Variants in PRKN observed in about 807,000 individuals in gnomAD.
PRKN encodes the protein parkin RBR E3 ubiquitin protein ligase.
In PRKN, 56 loss-of-function variants were observed where a neutral mutation model predicts 59.5. The ratio of observed to expected loss-of-function variants is 0.94; its 90% CI spans 0.76 to 1.18. PRKN has a LOEUF of 1.18. Ranked by LOEUF, PRKN falls within the 50% of genes most tolerant of loss-of-function variation. The pLI, the probability that PRKN is intolerant of heterozygous loss-of-function variation, is 0.00. For missense variants in PRKN, 657 were observed against 596.4 expected (o/e 1.10, Z -1.06); for synonymous variants, 250 against 222.1 (o/e 1.13, Z -1.12).
chr6:161,906,110 G>A (rs568185937), intron 6 of PRKN, among the ~76,000 whole-genome samples: 1 of 152,090 alleles, frequency 6.6e-6, no homozygotes, highest in African/African-American at 2.4e-5. Context: ...TGGGACTACA[G>A]GTATGGGCCA....
At chr6:161,978,120 G>A (rs113525083) in intron 5 of PRKN, among the ~76,000 whole-genome samples, 11,557 of 151,654 alleles carry the variant, frequency 0.076, 511 homozygotes, top group Middle Eastern at 0.11. Context: ...TGCGATCTTG[G>A]CTCACTGCAA....
intron 7 of PRKN, among the ~76,000 whole-genome samples, chr6:161,676,037 C>G (rs1438839051): frequency 6.6e-6 from 1 of 152,248 alleles, no homozygotes; most frequent in African/African-American, 2.4e-5. Flanking sequence ...GAGAGGCACT[C>G]TGAGTCCTAA....
chr6:162,205,280 A>G (rs909787903), intron 3 of PRKN, among the ~76,000 whole-genome samples: 1 of 152,206 alleles, frequency 6.6e-6, no homozygotes, highest in African/African-American at 2.4e-5. Flanking sequence ...TGTTTACAAC[A>G]TATTGAATAG....
intron 4 of PRKN, among the ~76,000 whole-genome samples, chr6:162,128,876 A>T (rs1419199139): frequency 1.3e-5 from 2 of 152,208 alleles, no homozygotes; most frequent in African/African-American, 4.8e-5. Context: ...AATCTGCTGG[A>T]CACCTTGATC....
At position 162,713,806 on chromosome 6, in the gene PRKN, G is replaced by C. The variant is rs569548166; in HGVS notation, c.7+13856C>G. Among the ~76,000 whole-genome samples the C allele has an allele frequency of 1.3e-3, 195 of 152,230 alleles. 3 individuals are homozygous for C. Among genetic ancestry groups the C allele is most frequent in the Middle Eastern group, 3.4e-3 (1 of 294 alleles). On this transcript the variant is annotated intron_variant, in intron 1 of 11. Coordinates refer to ENST00000366898, the MANE Select transcript of PRKN (RefSeq NM_004562.3). ...ATAACCATTCAGAAGCAGAATTATAGAAGCTAATTATTAAAATAACTCAGC... is the reference window on the plus strand; with the variant it reads ...ATAACCATTCAGAAGCAGAATTATACAAGCTAATTATTAAAATAACTCAGC...
At chr6:161,898,249 C>A (rs1485276442) in intron 6 of PRKN, among the ~76,000 whole-genome samples, 4 of 151,910 alleles carry the variant, frequency 2.6e-5, no homozygotes, top group Non-Finnish European at 2.9e-5. Context: ...CAATTTGGCA[C>A]AGTGAACCCT....
At position 162,525,134 on chromosome 6, in the gene PRKN, C is replaced by T. The variant is rs375895430; in HGVS notation, c.8-81661G>A. ...CCCCAGCCCACACCTGGGCTCCAAGCGCCAGTTAGTCCTGCTTAGTCCTAG... is the reference window on the plus strand; with the variant it reads ...CCCCAGCCCACACCTGGGCTCCAAGTGCCAGTTAGTCCTGCTTAGTCCTAG... On this transcript the variant is annotated intron_variant, in intron 1 of 11. Transcript: ENST00000366898. Among the ~76,000 whole-genome samples, 85 of 152,242 alleles carry T rather than the reference C, an allele frequency of 5.6e-4. 1 individual carries two copies. In the South Asian group the frequency reaches 8.9e-3, roughly 16 times the overall value.
At chr6:161,766,313 C>CTTTTTTTTTTTTTTTTTTTTTTTTTT (rs1583130349) in intron 7 of PRKN, among the ~76,000 whole-genome samples, 5 of 82,580 alleles carry the variant, frequency 6.1e-5, no homozygotes, top group African/African-American at 2.0e-4. Context: ...TCATTGACCA[C>CTTTTTTTTTTTTTTTTTTTTTTTTTT]ATTTTTTTTT....
intron 5 of PRKN, among the ~76,000 whole-genome samples, chr6:162,026,588 T>C (rs1582917593): frequency 6.6e-6 from 1 of 152,348 alleles, no homozygotes; most frequent in Non-Finnish European, 1.5e-5. Context: ...TCTGAAGCTA[T>C]ATTACTTAGA....
intron 5 of PRKN, among the ~76,000 whole-genome samples, chr6:162,051,764 G>A (rs962135814): frequency 3.9e-5 from 6 of 152,082 alleles, no homozygotes; most frequent in African/African-American, 1.2e-4. Flanking sequence ...ATCAAAGAAC[G>A]CAGCCTCTAG....
chr6:161,599,571 G>A (rs894433128), intron 7 of PRKN, among the ~76,000 whole-genome samples: 3 of 152,192 alleles, frequency 2.0e-5, no homozygotes, highest in Admixed American at 2.0e-4. Flanking sequence ...ATTTGAGACA[G>A]GGCATCTTGG....
intron 3 of PRKN, among the ~76,000 whole-genome samples, chr6:162,222,201 C>T (rs1210721176): frequency 6.6e-6 from 1 of 152,008 alleles, no homozygotes; most frequent in Non-Finnish European, 1.5e-5. Context: ...CAGGTGGCAC[C>T]TGTAAAAATG....
Position 162,498,393 on chromosome 6 carries a change from C to CTTT in PRKN, c.8-54923_8-54921dup, listed in dbSNP as rs60024002. Among the ~76,000 whole-genome samples, 60 of 21,560 alleles carry CTTT rather than the reference C, an allele frequency of 2.8e-3. 5 individuals are homozygous for CTTT. The highest frequency in any genetic ancestry group is 8.9e-3 in the African/African-American group (59 of 6,630). 14.1% of individuals were successfully genotyped at this position (21,560 alleles called of 152,430 possible). A position where few individuals can be genotyped will look rare whatever the true frequency, so the allele number is the denominator to read the frequency against. On this transcript the variant is annotated intron_variant, in intron 1 of 11. Coordinates refer to ENST00000366898, the MANE Select transcript of PRKN (RefSeq NM_004562.3). The stretch of plus-strand genomic sequence containing the variant: ...CAGAATCATTTTTTTTCTTTCTTTC[C>CTTT]TTTTTTTTTTTTTTTTTTTTTTGAG...
intron 9 of PRKN, among the ~76,000 whole-genome samples, chr6:161,450,829 A>G (rs745671112): frequency 1.6e-4 from 25 of 152,214 alleles, no homozygotes; most frequent in Non-Finnish European, 3.1e-4. Flanking sequence ...TGCTGGGATT[A>G]CAGGCGTGAG....
At chr6:161,616,176 T>C (rs1434784776) in intron 7 of PRKN, among the ~76,000 whole-genome samples, 1 of 152,200 alleles carries the variant, frequency 6.6e-6, no homozygotes, top group Non-Finnish European at 1.5e-5. Flanking sequence ...TCCTGACACA[T>C]AGCTCTGTGT....
intron 9 of PRKN, among the ~76,000 whole-genome samples, chr6:161,490,858 C>T (rs1031577270): frequency 2.0e-5 from 3 of 152,032 alleles, no homozygotes; most frequent in Non-Finnish European, 2.9e-5. Context: ...AGTGAGTTAT[C>T]GTGAGATCTG....
At position 161,378,869 on chromosome 6, in the gene PRKN, C is replaced by T. The variant is rs978024594; in HGVS notation, c.1167+7925G>A. Among the ~76,000 whole-genome samples, 6 of 152,292 alleles carry T rather than the reference C, an allele frequency of 3.9e-5. No individual in the cohort carries two copies. Among genetic ancestry groups the T allele is most frequent in the Admixed American group, 6.5e-5 (1 of 15,308 alleles). On this transcript the variant is annotated intron_variant, in intron 10 of 11. Coordinates refer to ENST00000366898, the MANE Select transcript of PRKN (RefSeq NM_004562.3). This position sits in a 1 kb window ranked among gnomAD's most constrained non-coding sequence, Gnocchi z 7.3. ...AGGAATCAAGGGGTGGAAGTAGGGACGGCCCCACTTCTCACTCCCAGTGGT... is the reference window on the plus strand; with the variant it reads ...AGGAATCAAGGGGTGGAAGTAGGGATGGCCCCACTTCTCACTCCCAGTGGT...
rs1780916010 is a variant in PRKN, at chr6:162,584,250, A to AAACAAAC, written c.8-140778_8-140777insGTTTGTT. Reference sequence around the variant, plus strand: ...CAAAAAACAAAAAACAAAAAACAAAAAAAAAAAAAACACTGACTATATTTA... The same window carrying AAACAAAC: ...CAAAAAACAAAAAACAAAAAACAAAAAACAAACAAAAAAAAAACACTGACTATATTTA... On this transcript the variant is annotated intron_variant, in intron 1 of 11. Coordinates refer to ENST00000366898, the MANE Select transcript of PRKN (RefSeq NM_004562.3). Among the ~76,000 whole-genome samples, 4 of 111,388 alleles carry AAACAAAC rather than the reference A, an allele frequency of 3.6e-5. 1 individual carries two copies. The South Asian group carries it at 1.3e-3, about 37-fold the overall frequency. The allele number at this position is 111,388 out of a possible 152,430, so 73.1% of individuals were successfully genotyped here. A position where few individuals can be genotyped will look rare whatever the true frequency, so the allele number is the denominator to read the frequency against.
chr6:162,599,159 G>A (rs1314072536), intron 1 of PRKN, among the ~76,000 whole-genome samples: 6 of 152,048 alleles, frequency 3.9e-5, no homozygotes, highest in Non-Finnish European at 7.4e-5. Context: ...AAGCTGGCTC[G>A]GTGATAAGAA....
Sources: gnomAD v4.1 joint callset for allele counts (sites outside exome capture counted in the v4.1 genomes callset) on GRCh38, gnomAD v4.1.1 for gene constraint, Gnocchi (gnomAD v3.1) non-coding constraint, MANE v1.5 for transcripts, NCBI Gene and HGNC (gene_info 2026-07-23, HGNC 2026-07-21) for gene names.